NYAP2: variants seen among roughly 807,000 people sequenced by gnomAD.
The protein encoded by NYAP2 is neuronal tyrosine-phosphorylated phosphoinositide-3-kinase adapter 2.
A neutral mutation model predicts 50.4 loss-of-function variants in NYAP2; 23 were observed. That is an observed-to-expected ratio of 0.46 (90% confidence interval 0.33 to 0.65). The LOEUF (loss-of-function observed/expected upper bound fraction) is 0.65. NYAP2 is among the 30% of genes least tolerant of loss of function. The probability of loss-of-function intolerance (pLI) is 0.02; values close to 1 mark genes in which losing one functional copy is unlikely to be tolerated. For missense variants in NYAP2, 885 were observed against 861.0 expected (o/e 1.03, Z -0.35); for synonymous variants, 394 against 365.2 (o/e 1.08, Z -0.90).
At chr2:225,657,108 T>A (rs962311583), downstream of NYAP2, among the ~76,000 whole-genome samples, 1 of 113,036 alleles carries the variant, frequency 8.8e-6, no homozygotes, top group African/African-American at 3.0e-5. Flanking sequence ...ATTCCTTTTT[T>A]TTTTTTTTTT....
rs567631641 is a variant in NYAP2, at chr2:225,463,692, A to G, written c.222-49679A>G. On this transcript the variant is annotated intron_variant, in intron 3 of 6. Transcript: ENST00000636099. ...ATCATTTGGAGTTCTTTTCTTCCAC[A>G]TCTCATCCTTTCCTTTATATGCTAC... Among the ~76,000 whole-genome samples, 5 of 152,380 alleles carry G rather than the reference A, an allele frequency of 3.3e-5. No homozygotes were observed. The East Asian group carries it at 7.7e-4, about 23-fold the overall frequency.
At chr2:225,488,500 A>G (rs1690343272) in intron 3 of NYAP2, among the ~76,000 whole-genome samples, 1 of 152,030 alleles carries the variant, frequency 6.6e-6, no homozygotes, top group Non-Finnish European at 1.5e-5. Flanking sequence ...CAGCCTCCCA[A>G]GTAGTTGAGA....
intron 3 of NYAP2, among the ~76,000 whole-genome samples, chr2:225,439,976 A>G (rs969005502): frequency 6.6e-6 from 1 of 152,178 alleles, no homozygotes; most frequent in African/African-American, 2.4e-5. Context: ...GAGTGAGTGC[A>G]AGCAGGGGAA....
intron 2 of NYAP2, among the ~76,000 whole-genome samples, chr2:225,403,330 CAAATA>C (rs1409918430): frequency 1.3e-5 from 2 of 151,876 alleles, no homozygotes; most frequent in African/African-American, 4.8e-5. Flanking sequence ...TTACCCTCTG[CAAATA>C]AAATAAAAAC....
chr2:225,523,826 C>A (rs1691108199), intron 4 of NYAP2, among the ~76,000 whole-genome samples: 2 of 152,024 alleles, frequency 1.3e-5, no homozygotes, highest in Non-Finnish European at 2.9e-5. Context: ...GATACTGCAA[C>A]CAAAACAGCA....
the NYAP2 span, among the ~76,000 whole-genome samples, chr2:225,692,821 T>A: frequency 6.6e-6 from 1 of 151,932 alleles, no homozygotes; most frequent in Non-Finnish European, 1.5e-5. Flanking sequence ...AAGATACAGT[T>A]AAAATTAAGA....
At chr2:225,484,203 G>A (rs1213726508) in intron 3 of NYAP2, among the ~76,000 whole-genome samples, 3 of 152,208 alleles carry the variant, frequency 2.0e-5, no homozygotes, top group Non-Finnish European at 4.4e-5. Context: ...TTAAAGGCCT[G>A]TATCCACTTT....
intron 6 of NYAP2, among the ~76,000 whole-genome samples, chr2:225,643,593 C>G (rs12994962): frequency 2.3e-4 from 32 of 140,356 alleles, no homozygotes; most frequent in Non-Finnish European, 4.2e-4. Flanking sequence ...ATCCCTCCCC[C>G]CTCCCCCACC....
chr2:225,441,367 T>G lies in NYAP2; in HGVS notation c.221+32266T>G, dbSNP rs376950489. ...GAAAATCTTGGTTGGTCATTTCATG[T>G]AAAGGCACATAAGAGACAGTTTCCA... On this transcript the variant is annotated intron_variant, in intron 3 of 6. Transcript: ENST00000636099. Among the ~76,000 whole-genome samples, 145 of 152,330 alleles carry G rather than the reference T, an allele frequency of 9.5e-4. 3 individuals carry two copies. In the South Asian group the frequency reaches 0.028, roughly 29 times the overall value.
At chr2:225,510,620 G>T (rs916848731) in intron 3 of NYAP2, among the ~76,000 whole-genome samples, 2 of 152,124 alleles carry the variant, frequency 1.3e-5, no homozygotes, top group African/African-American at 4.8e-5. Context: ...TTTACTGTTT[G>T]TCCCTAGCCT....
intron 3 of NYAP2, among the ~76,000 whole-genome samples, chr2:225,419,145 C>G (rs1369175439): frequency 1.3e-5 from 2 of 152,350 alleles, no homozygotes; most frequent in East Asian, 3.9e-4. Flanking sequence ...ATATGATCCA[C>G]ACACTCGGCT....
At chr2:225,508,447 A>G (rs150022241) in intron 3 of NYAP2, among the ~76,000 whole-genome samples, 95 of 152,254 alleles carry the variant, frequency 6.2e-4, no homozygotes, top group African/African-American at 2.2e-3. Context: ...ATGCCGGAGG[A>G]ATTGTTCCCA....
At chr2:225,434,531 G>A (rs1340070723) in intron 3 of NYAP2, among the ~76,000 whole-genome samples, 2 of 152,198 alleles carry the variant, frequency 1.3e-5, no homozygotes, top group African/African-American at 4.8e-5. Context: ...AACTGATACT[G>A]ATCGATTGAT....
chr2:225,691,339 T>C, the NYAP2 span, among the ~76,000 whole-genome samples: 1 of 152,180 alleles, frequency 6.6e-6, no homozygotes, highest in African/African-American at 2.4e-5. Flanking sequence ...TCTTGATTTA[T>C]GTACACCACC....
At chr2:225,513,410 C>T (rs376065085) in exon 4 of NYAP2, 17 of 1,613,858 alleles carry the variant, frequency 1.1e-5, no homozygotes, top group African/African-American at 4.0e-5. Context: ...AAGGAAGTTA[C>T]GTGGGCAAAC....
At chr2:225,479,957 A>T (rs1406310029) in intron 3 of NYAP2, among the ~76,000 whole-genome samples, 5 of 152,054 alleles carry the variant, frequency 3.3e-5, no homozygotes, top group African/African-American at 1.2e-4. Flanking sequence ...GTGAATATAT[A>T]TTAAGAAATT....
At chr2:225,570,835 A>C (rs1373981095) in intron 4 of NYAP2, among the ~76,000 whole-genome samples, 1 of 152,216 alleles carries the variant, frequency 6.6e-6, no homozygotes, top group East Asian at 1.9e-4. Flanking sequence ...TTAACCCAAA[A>C]GGCCAAGTCC....
the NYAP2 span, among the ~76,000 whole-genome samples, chr2:225,689,132 T>TA: frequency 3.3e-5 from 5 of 152,228 alleles, no homozygotes; most frequent in Non-Finnish European, 7.3e-5. Flanking sequence ...TTGTCACTGT[T>TA]CAGCATGGTA....
intron 4 of NYAP2, among the ~76,000 whole-genome samples, chr2:225,564,411 T>C (rs541778212): frequency 1.3e-5 from 2 of 151,852 alleles, no homozygotes; most frequent in East Asian, 2.0e-4. Context: ...AACCAAAAAA[T>C]ACCAGTGTCT....
Sources: allele counts gnomAD v4.1 joint callset (sites outside exome capture counted in the v4.1 genomes callset), GRCh38; gene constraint gnomAD v4.1.1; transcripts MANE v1.5; gene names NCBI Gene and HGNC (gene_info 2026-07-23, HGNC 2026-07-21).